Variants in BAZ1A observed in about 807,000 individuals in gnomAD.
BAZ1A encodes the protein bromodomain adjacent to zinc finger domain protein 1A.
Under a neutral mutation model 185.2 loss-of-function variants are expected in BAZ1A, and 50 were observed. That is an observed-to-expected ratio of 0.27 (90% CI 0.22 to 0.34). BAZ1A has a LOEUF of 0.34. BAZ1A is among the 10% of genes least tolerant of loss of function. BAZ1A has a pLI of 1.00. For synonymous variants in BAZ1A, 571 were observed against 615.6 expected (o/e 0.93, Z 1.07); for missense variants, 1,356 against 1,839.9 (o/e 0.74, Z 4.81).
chr14:34,872,978 T>G (rs1473999449), intron 2 of BAZ1A, among the ~76,000 whole-genome samples: 1 of 144,182 alleles, frequency 6.9e-6, no homozygotes, highest in African/African-American at 2.6e-5. Context: ...ACTTAACTAG[T>G]TACGAGAACT....
intron 25 of BAZ1A, 21 bp from the exon 26 acceptor site, chr14:34,754,935 C>T: frequency 6.5e-7 from 1 of 1,543,722 alleles, no homozygotes; most frequent in Non-Finnish European, 8.8e-7. Flanking sequence ...ATTCAAATAT[C>T]TCTGTCCACA....
rs1594810930 is a variant in BAZ1A at position 34,762,331 on chromosome 14, A to G, written c.3777-108T>C. On this transcript the variant is annotated intron_variant, in intron 23 of 26. Coordinates refer to ENST00000360310, the MANE Select transcript of BAZ1A (RefSeq NM_013448.3). ...GCCAATGAGTTTATACAAATTTTCT[A>G]TATAACTGAGACTTATCCTAGACTC... The G allele has an allele frequency of 5.7e-6, 6 of 1,044,082 alleles. No homozygotes were observed. In the East Asian group the frequency reaches 1.0e-4, roughly 18 times the overall value. The allele number at this position is 1,044,082 out of a possible 1,614,324, so 64.7% of individuals were successfully genotyped here.
chr14:34,773,355 C>T (rs575840468), intron 20 of BAZ1A, among the ~76,000 whole-genome samples: 4 of 151,832 alleles, frequency 2.6e-5, no homozygotes, highest in East Asian at 1.9e-4. Flanking sequence ...TATCATTATT[C>T]GAATGAATTG....
intron 4 of BAZ1A, chr14:34,816,878 A>G: frequency 2.3e-6 from 1 of 434,740 alleles, no homozygotes; most frequent in Middle Eastern, 3.3e-4. Context: ...AATTACACAC[A>G]ATGTGATCTC....
At position 34,874,878 on chromosome 14, in the gene BAZ1A, T is replaced by G. The variant is rs1245960839; in HGVS notation, c.-58-216A>C. 5 of 277,352 alleles carry G rather than the reference T, an allele frequency of 1.8e-5. No homozygotes were observed. The highest frequency in any genetic ancestry group is 5.6e-5 in the South Asian group (1 of 17,824). 17.2% of individuals were successfully genotyped at this position (277,352 alleles called of 1,614,324 possible). On this transcript the variant is annotated intron_variant, in intron 1 of 26. Coordinates refer to ENST00000360310, the MANE Select transcript of BAZ1A (RefSeq NM_013448.3). This position sits in a 1 kb window ranked among gnomAD's most constrained non-coding sequence, Gnocchi z 4.7. ...CCCGAGCGCGCCCTACCTCCTCTCGTCCTGCCGCCGCCTCACAATGGGGCA... is the reference window on the plus strand; with the variant it reads ...CCCGAGCGCGCCCTACCTCCTCTCGGCCTGCCGCCGCCTCACAATGGGGCA...
chr14:34,773,684 G>A lies in BAZ1A; in HGVS notation c.3040C>T (p.Arg1014Trp), dbSNP rs151068420. ...TTTTCCTCACTTAACAGCTCATACC[G>A]TCCACTTTCTAATGCTGATCTCCAG... ...HIWRSALESG[R>W]YELLSEENKE... The change falls in exon 20 of 27, where the codon CGG (arginine) becomes TGG (tryptophan). Residue 1014 changes from arginine (R) to tryptophan (W), a missense_variant. Transcript: ENST00000360310. 3.1e-5 allele frequency: 50 copies of A among 1,613,050 alleles called. No individual in the cohort carries two copies. The highest frequency in any genetic ancestry group is 1.2e-4 in the Admixed American group (7 of 59,942).
chr14:34,873,366 T>C lies in BAZ1A; in HGVS notation c.113+1126A>G, dbSNP rs74733976. 6.1e-3 allele frequency among the ~76,000 whole-genome samples: 935 copies of C among 152,294 alleles called. 16 individuals are homozygous for C. Among genetic ancestry groups the C allele is most frequent in the African/African-American group, 0.022 (903 of 41,564 alleles). ...AGAGAGGATCACCCTCTTCGAGTGATTGATCAAGTCAGGTTCTCACTTAGA... is the reference window on the plus strand; with the variant it reads ...AGAGAGGATCACCCTCTTCGAGTGACTGATCAAGTCAGGTTCTCACTTAGA... On this transcript the variant is annotated intron_variant, in intron 2 of 26. Transcript: ENST00000360310.
At chr14:34,757,626 C>G (rs1237755371) in intron 25 of BAZ1A, among the ~76,000 whole-genome samples, 1 of 151,482 alleles carries the variant, frequency 6.6e-6, no homozygotes, top group Non-Finnish European at 1.5e-5. Flanking sequence ...GATCACGCCA[C>G]TGCACTCCAG....
intron 4 of BAZ1A, among the ~76,000 whole-genome samples, chr14:34,820,330 C>T (rs950617750): frequency 6.6e-6 from 1 of 151,996 alleles, no homozygotes; most frequent in African/African-American, 2.4e-5. Context: ...GGGGGTTTCA[C>T]TATGTTGCCC....
rs1043879618 is a variant in BAZ1A at position 34,753,434 on chromosome 14, A to G, written c.*74T>C. On this transcript the variant is annotated 3_prime_UTR_variant, in exon 27 of 27. Coordinates refer to ENST00000360310, the MANE Select transcript of BAZ1A (RefSeq NM_013448.3). Reference sequence around the variant, plus strand: ...GTGGTCAATCAATTGTTATTGCTTTATACAGCATGATTTAATGTTCCATTT... The same window carrying G: ...GTGGTCAATCAATTGTTATTGCTTTGTACAGCATGATTTAATGTTCCATTT... The G allele has an allele frequency of 6.9e-7, 1 of 1,452,786 alleles. No homozygotes were observed. The highest frequency in any genetic ancestry group is 9.6e-7 in the Non-Finnish European group (1 of 1,046,140). 90.0% of individuals were successfully genotyped at this position (1,452,786 alleles called of 1,614,324 possible).
At chr14:34,794,598 T>C in intron 11 of BAZ1A, 151 bp downstream of exon 11, 2 of 678,282 alleles carry the variant, frequency 2.9e-6, no homozygotes, top group South Asian at 4.4e-5. Context: ...GCACCAGACC[T>C]GTGTGAGAAG....
chr14:34,824,856 C>T (rs1486590959), intron 4 of BAZ1A, among the ~76,000 whole-genome samples: 1 of 151,962 alleles, frequency 6.6e-6, no homozygotes, highest in African/African-American at 2.4e-5. Flanking sequence ...ACAAGACAGG[C>T]GGGAGAAAGC....
At chr14:34,863,152 CTTTTTTTTTT>C (rs71121233) in intron 2 of BAZ1A, among the ~76,000 whole-genome samples, 796 of 44,644 alleles carry the variant, frequency 0.018, 21 homozygotes, top group African/African-American at 0.05. Context: ...CCACGCTCGG[CTTTTTTTTTT>C]TTTTTTTTTT....
chr14:34,798,327 C>G (rs147573834), intron 9 of BAZ1A, among the ~76,000 whole-genome samples: 15 of 152,372 alleles, frequency 9.8e-5, no homozygotes, highest in African/African-American at 2.6e-4. Flanking sequence ...TGTCTGGCAG[C>G]TCCTAGCATG....
At position 34,776,283 on chromosome 14, in the gene BAZ1A, G is replaced by A. The variant is rs1879597739; in HGVS notation, c.2469C>T (p.Leu823=). ...GACCAGAATAATCCTCTTCAATAAA[G>A]AGTCCAGGAATAGAAGGGAAAATCC... is the stretch of plus-strand genomic sequence containing the variant. ...RYWIFPSIPG[L]FIEEDYSGLT... is the part of the protein sequence containing the mutation. Residue 823 remains leucine (L), a synonymous_variant, in exon 18 of 27, where the codon CTC becomes CTT. Transcript: ENST00000360310. 7.4e-6 allele frequency: 12 copies of A among 1,613,646 alleles called. No individual in the cohort carries two copies. Among genetic ancestry groups the A allele is most frequent in the South Asian group, 1.1e-5 (1 of 91,082 alleles).
intron 6 of BAZ1A, among the ~76,000 whole-genome samples, chr14:34,803,484 ATAAT>A (rs1416243826): frequency 2.0e-5 from 3 of 152,056 alleles, no homozygotes; most frequent in African/African-American, 7.2e-5. Context: ...TTTCCACTAT[ATAAT>A]TAATTAGCCT....
chr14:34,777,124 C>A (rs1879683153), intron 17 of BAZ1A, among the ~76,000 whole-genome samples: 1 of 152,172 alleles, frequency 6.6e-6, no homozygotes, highest in Non-Finnish European at 1.5e-5. Flanking sequence ...GGAATAACAG[C>A]AAACTACTTC....
chr14:34,808,637 G>A (rs76574101), intron 5 of BAZ1A, among the ~76,000 whole-genome samples: 9,495 of 152,196 alleles, frequency 0.062, 394 homozygotes, highest in Non-Finnish European at 0.097. Flanking sequence ...AAAACATTTT[G>A]TATTTAAATC....
intron 3 of BAZ1A, among the ~76,000 whole-genome samples, chr14:34,854,566 TC>T (rs2042645265): frequency 6.6e-6 from 1 of 152,122 alleles, no homozygotes; most frequent in African/African-American, 2.4e-5. Context: ...GCAGTATTAC[TC>T]CCCCAGTAAA....
Sources: gnomAD v4.1 joint callset for allele counts (sites outside exome capture counted in the v4.1 genomes callset) on GRCh38, gnomAD v4.1.1 for gene constraint, Gnocchi (gnomAD v3.1) non-coding constraint, MANE v1.5 for transcripts, NCBI Gene and HGNC (gene_info 2026-07-23, HGNC 2026-07-21) for gene names.